Variants in GSE1 observed in about 807,000 individuals in gnomAD.
The protein encoded by GSE1 is Gse1 coiled-coil protein, also known as genetic suppressor element 1.
Under a neutral mutation model 112.6 loss-of-function variants are expected in GSE1, and 32 were observed. The ratio of observed to expected loss-of-function variants is 0.28; its 90% CI spans 0.21 to 0.38. The LOEUF (loss-of-function observed/expected upper bound fraction) is 0.38. GSE1 is among the 10% of genes least tolerant of loss of function. GSE1 has a pLI of 1.00. For synonymous variants in GSE1, 1,115 were observed against 735.6 expected, an observed-to-expected ratio of 1.52 and a Z score of -8.35; for missense variants, 2,348 against 1,699.2, an observed-to-expected ratio of 1.38 and a Z score of -6.71.
chr16:85,303,825 G>T (rs969030639), intron 1 of GSE1, among the ~76,000 whole-genome samples: 2 of 152,242 alleles, frequency 1.3e-5, no homozygotes, highest in African/African-American at 4.8e-5. Context: ...CTGGCCTGGC[G>T]GGGTTGCGAG....
chr16:85,365,726 T>C (rs1474435204), intron 2 of GSE1, among the ~76,000 whole-genome samples: 1 of 152,234 alleles, frequency 6.6e-6, no homozygotes, highest in Non-Finnish European at 1.5e-5. Context: ...TATAGTAGCC[T>C]ACAGCGACTT....
In GSE1 at chr16:85,385,652, C is replaced by T. The variant is rs146682368; in HGVS notation, c.2464+28009C>T. Among the ~76,000 whole-genome samples, 682 of 152,296 alleles carry T rather than the reference C, an allele frequency of 4.5e-3. 2 individuals are homozygous for T. Among genetic ancestry groups the T allele is most frequent in the Admixed American group, 6.4e-3 (98 of 15,298 alleles). On this transcript the variant is annotated intron_variant, in intron 2 of 2. Coordinates refer to the GSE1 transcript ENST00000637419. ...GCTGCTGACAGATGGTCATGAGACCCGGGGAGTCTGATGAAGTTCATTTTT... is the reference window on the plus strand; with the variant it reads ...GCTGCTGACAGATGGTCATGAGACCTGGGGAGTCTGATGAAGTTCATTTTT...
chr16:85,600,582 C>A (rs981252585), intron 1 of GSE1, among the ~76,000 whole-genome samples: 2 of 149,374 alleles, frequency 1.3e-5, no homozygotes, highest in East Asian at 3.9e-4. Flanking sequence ...CACACACACA[C>A]CCCAAACACA....
At chr16:85,619,860 A>C (rs2048619894) in intron 1 of GSE1, among the ~76,000 whole-genome samples, 1 of 152,116 alleles carries the variant, frequency 6.6e-6, no homozygotes, top group Non-Finnish European at 1.5e-5. Flanking sequence ...TCCTCCCTGT[A>C]GTCACACAGC....
At chr16:85,321,797 A>G (rs7186937) in intron 1 of GSE1, among the ~76,000 whole-genome samples, 8,585 of 151,804 alleles carry the variant, frequency 0.057, 824 homozygotes, top group African/African-American at 0.2. Context: ...TGTCTTAAAA[A>G]AAAAAAAAAA....
chr16:85,519,586 TCATCATCACCTTCACCAC>T lies in GSE1; in HGVS notation c.2465-114317_2465-114300del, dbSNP rs1567555945. Among the ~76,000 whole-genome samples the T allele has an allele frequency of 1.0e-4, 11 of 105,414 alleles. 1 individual carries two copies. The highest frequency in any genetic ancestry group is 3.9e-4 in the African/African-American group (10 of 25,524). 69.2% of individuals were successfully genotyped at this position (105,414 alleles called of 152,430 possible). On this transcript the variant is annotated intron_variant, in intron 2 of 2. Coordinates refer to the GSE1 transcript ENST00000637419. ...TCATCATCACCATCACCAGTCTCCA[TCATCATCACCTTCACCAC>T]CATCATCACCATCACCACCACCATC...
chr16:85,322,986 C>G (rs543452415), intron 1 of GSE1, among the ~76,000 whole-genome samples: 1 of 152,148 alleles, frequency 6.6e-6, no homozygotes, highest in Admixed American at 6.5e-5. Context: ...AGTGACCCTG[C>G]GGGGACTAGA....
At chr16:85,232,236 A>G (rs1391185095) in intron 1 of GSE1, among the ~76,000 whole-genome samples, 1 of 152,208 alleles carries the variant, frequency 6.6e-6, no homozygotes, top group Non-Finnish European at 1.5e-5. Flanking sequence ...CCCAAAGAAC[A>G]TCCAAAGAGA....
chr16:85,180,681 C>T (rs759536613), intron 1 of GSE1, among the ~76,000 whole-genome samples: 16 of 152,252 alleles, frequency 1.1e-4, no homozygotes, highest in East Asian at 9.7e-4. Flanking sequence ...GGGGAAGTGC[C>T]GGCGCCGGGA....
chr16:85,472,819 T>G (rs1597862420), intron 2 of GSE1, among the ~76,000 whole-genome samples: 2 of 152,358 alleles, frequency 1.3e-5, no homozygotes, highest in South Asian at 4.1e-4. Flanking sequence ...CTTTGGCACC[T>G]CTGGTAGGGA....
At chr16:85,540,838 T>C (rs1228978447) in intron 2 of GSE1, among the ~76,000 whole-genome samples, 1 of 152,082 alleles carries the variant, frequency 6.6e-6, no homozygotes, top group Admixed American at 6.6e-5. Flanking sequence ...GCCCAGGAGT[T>C]TGAGGCTGCA....
At chr16:85,337,899 C>T (rs56032635) in intron 1 of GSE1, among the ~76,000 whole-genome samples, 24,631 of 152,282 alleles carry the variant, frequency 0.16, 2,372 homozygotes, top group East Asian at 0.35. Flanking sequence ...CCAAAGCCTC[C>T]GTATTGGTCT....
At chr16:85,672,173 G>A in intron 15 of GSE1, 1 of 518,374 alleles carries the variant, frequency 1.9e-6, no homozygotes, top group Non-Finnish European at 3.6e-6. Context: ...TAATTTTTTT[G>A]TTTAGTAGAT....
At position 85,542,433 on chromosome 16, in the gene GSE1, G is replaced by A. The variant is rs563570442; in HGVS notation, c.2465-91481G>A. ...CTGCACCTGCCACAGGGGCAGAACC[G>A]TGCTGGGACCCAGCATCCTCTCCCA... is the stretch of plus-strand genomic sequence containing the variant. On this transcript the variant is annotated intron_variant, in intron 2 of 2. Transcript: ENST00000637419. 1.2e-4 allele frequency among the ~76,000 whole-genome samples: 18 copies of A among 152,340 alleles called. No individual in the cohort carries two copies. In the East Asian group the frequency reaches 3.1e-3, roughly 26 times the overall value.
At chr16:85,627,889 GGACACCTTGGCACCTGCACT>G (rs1276106063) in intron 1 of GSE1, among the ~76,000 whole-genome samples, 1 of 152,182 alleles carries the variant, frequency 6.6e-6, no homozygotes, top group East Asian at 1.9e-4. Flanking sequence ...TGTCCCCCAC[GGACACCTTGGCACCTGCACT>G]GACCTCAGCC....
intron 1 of GSE1, among the ~76,000 whole-genome samples, chr16:85,176,121 T>C (rs1415587740): frequency 1.3e-5 from 2 of 152,220 alleles, no homozygotes; most frequent in Non-Finnish European, 2.9e-5. Context: ...TCTGAGTAGC[T>C]GGGACCATAG....
chr16:85,348,537 A>G (rs544703048), intron 1 of GSE1, among the ~76,000 whole-genome samples: 54 of 152,204 alleles, frequency 3.5e-4, no homozygotes, highest in African/African-American at 1.3e-3. Context: ...GATCTTGGCC[A>G]CTGCCCATCC....
At chr16:85,655,668 A>G in intron 5 of GSE1, 58 bp from the exon 6 acceptor site, 1 of 1,188,738 alleles carries the variant, frequency 8.4e-7, no homozygotes, top group Non-Finnish European at 1.2e-6. Flanking sequence ...ACCTGTCGAC[A>G]GGGCTGGGTC....
intron 1 of GSE1, among the ~76,000 whole-genome samples, chr16:85,339,917 A>G (rs1325083232): frequency 2.0e-5 from 3 of 152,158 alleles, no homozygotes; most frequent in Non-Finnish European, 4.4e-5. Context: ...CCAAGTCCTC[A>G]GTGCCAAGAA....
Sources: gnomAD v4.1 joint callset for allele counts (sites outside exome capture counted in the v4.1 genomes callset) on GRCh38, gnomAD v4.1.1 for gene constraint, MANE v1.5 for transcripts, NCBI Gene and HGNC (gene_info 2026-07-23, HGNC 2026-07-21) for gene names.